VGLL4: variants seen among roughly 807,000 people sequenced by gnomAD.
The protein encoded by VGLL4 is vestigial like family member 4.
In VGLL4, 7 loss-of-function variants were observed where a neutral mutation model predicts 21.0. The ratio of observed to expected loss-of-function variants is 0.33; its 90% confidence interval spans 0.19 to 0.63. The LOEUF is 0.63. Among genes scored for constraint, VGLL4 ranks in the 20% least tolerant of loss-of-function variants. VGLL4 has a pLI of 0.78. For synonymous variants in VGLL4, 222 were observed against 173.2 expected (o/e 1.28, Z -2.21); for missense variants, 394 against 425.7 (o/e 0.93, Z 0.66).
intron 2 of VGLL4, among the ~76,000 whole-genome samples, chr3:11,672,780 T>C (rs915288270): frequency 2.6e-5 from 4 of 152,236 alleles, no homozygotes; most frequent in South Asian, 2.1e-4. Flanking sequence ...TCTTCACTTA[T>C]GCATTTTCTA....
chr3:11,668,409 G>A (rs1431483707), intron 2 of VGLL4, among the ~76,000 whole-genome samples: 1 of 152,060 alleles, frequency 6.6e-6, no homozygotes, highest in African/African-American at 2.4e-5. Flanking sequence ...TACTAAAAGT[G>A]CAGCCACCTA....
intron 1 of VGLL4, among the ~76,000 whole-genome samples, chr3:11,630,825 C>T (rs993403425): frequency 6.6e-6 from 1 of 152,120 alleles, no homozygotes; most frequent in Non-Finnish European, 1.5e-5. Context: ...GAAATGACCA[C>T]ATATGTCCAC....
intron 1 of VGLL4, among the ~76,000 whole-genome samples, chr3:11,708,630 T>C (rs2076795302): frequency 6.6e-6 from 1 of 152,248 alleles, no homozygotes; most frequent in South Asian, 2.1e-4. Flanking sequence ...AAGTTTATTT[T>C]ATTTCCTTTA....
At chr3:11,648,147 C>T (rs373974641), upstream of VGLL4, among the ~76,000 whole-genome samples, 1 of 152,124 alleles carries the variant, frequency 6.6e-6, no homozygotes, top group Non-Finnish European at 1.5e-5. Flanking sequence ...AAAGCTAGTT[C>T]TTTTTCTACG....
At chr3:11,562,143 C>T (rs765982837) in intron 3 of VGLL4, among the ~76,000 whole-genome samples, 25 of 152,142 alleles carry the variant, frequency 1.6e-4, no homozygotes, top group Middle Eastern at 3.4e-3. Context: ...AGTGATCCGC[C>T]GCCTCAACCC....
intron 2 of VGLL4, among the ~76,000 whole-genome samples, chr3:11,598,241 G>T (rs2074695331): frequency 6.6e-6 from 1 of 151,938 alleles, no homozygotes; most frequent in East Asian, 1.9e-4. Flanking sequence ...TGATCAGTCT[G>T]GTCTCAAACT....
intron 2 of VGLL4, chr3:11,699,591 G>A (rs1348444189): frequency 6.6e-6 from 1 of 152,222 alleles, no homozygotes. Flanking sequence ...TGGACTGCTG[G>A]AGGCCAGGAG....
At chr3:11,582,321 C>G (rs762410615) in intron 2 of VGLL4, 3 of 1,596,872 alleles carry the variant, frequency 1.9e-6, no homozygotes, top group Non-Finnish European at 2.6e-6. Context: ...ATGAAGACAG[C>G]CCAGCGTCCT....
intron 2 of VGLL4, among the ~76,000 whole-genome samples, chr3:11,650,959 G>T (rs1466689607): frequency 6.6e-6 from 1 of 152,124 alleles, no homozygotes; most frequent in Non-Finnish European, 1.5e-5. Flanking sequence ...GATGATGGTG[G>T]TGTTTGTAAA....
chr3:11,575,780 G>A (rs1387736370), intron 2 of VGLL4, among the ~76,000 whole-genome samples: 1 of 152,224 alleles, frequency 6.6e-6, no homozygotes, highest in African/African-American at 2.4e-5. Context: ...TAAAGTCAGA[G>A]CAAACAGGTT....
At chr3:11,688,021 CTTT>C (rs796197155) in intron 2 of VGLL4, among the ~76,000 whole-genome samples, 36 of 152,118 alleles carry the variant, frequency 2.4e-4, no homozygotes, top group African/African-American at 7.7e-4. Flanking sequence ...TCATGAAATA[CTTT>C]TTTAGACTTC....
At chr3:11,703,066 A>AT in intron 1 of VGLL4, 1 of 1,512,340 alleles carries the variant, frequency 6.6e-7, no homozygotes, top group African/African-American at 2.2e-5. Flanking sequence ...AAAAAATAAA[A>AT]GGGGAAAAAA....
intron 1 of VGLL4, among the ~76,000 whole-genome samples, chr3:11,718,270 A>G (rs1466272473): frequency 2.0e-5 from 3 of 152,362 alleles, no homozygotes; most frequent in Middle Eastern, 3.4e-3. Flanking sequence ...CAGGAAATAC[A>G]AGAAAAAATT....
chr3:11,637,912 C>T (rs184569912), intron 1 of VGLL4, among the ~76,000 whole-genome samples: 2 of 152,294 alleles, frequency 1.3e-5, no homozygotes, highest in East Asian at 1.9e-4. Flanking sequence ...TCTTAAAAAA[C>T]AGTTGCCATG....
At chr3:11,625,337 A>C (rs1337202924) in intron 1 of VGLL4, among the ~76,000 whole-genome samples, 1 of 152,242 alleles carries the variant, frequency 6.6e-6, no homozygotes, top group Admixed American at 6.5e-5. Flanking sequence ...CTATGACAAC[A>C]AAACTCTAGA....
intron 2 of VGLL4, among the ~76,000 whole-genome samples, chr3:11,674,287 A>T (rs2076258953): frequency 6.6e-6 from 1 of 152,180 alleles, no homozygotes; most frequent in Non-Finnish European, 1.5e-5. Context: ...GACACAGCAC[A>T]TGGGAGAAAA....
chr3:11,598,187 C>CTAAT (rs563776878), intron 2 of VGLL4, among the ~76,000 whole-genome samples: 63 of 152,226 alleles, frequency 4.1e-4, no homozygotes, highest in African/African-American at 1.4e-3. Flanking sequence ...CCACACCCAG[C>CTAAT]TAATTTTTTT....
chr3:11,578,368 C>T (rs2074116639), intron 2 of VGLL4, among the ~76,000 whole-genome samples: 1 of 152,086 alleles, frequency 6.6e-6, no homozygotes, highest in South Asian at 2.1e-4. Flanking sequence ...GTGTGGCAGT[C>T]TCCTCCTCCC....
intron 2 of VGLL4, among the ~76,000 whole-genome samples, chr3:11,699,202 A>G (rs918026297): frequency 6.6e-6 from 1 of 152,254 alleles, no homozygotes; most frequent in Middle Eastern, 3.2e-3. Flanking sequence ...ACTGAAAGAC[A>G]TCGAAACCTA....
Sources: gnomAD v4.1 joint callset for allele counts (sites outside exome capture counted in the v4.1 genomes callset) on GRCh38, gnomAD v4.1.1 for gene constraint, MANE v1.5 for transcripts, NCBI Gene and HGNC (gene_info 2026-07-23, HGNC 2026-07-21) for gene names.